The following MAPKAP1 variants were observed in gnomAD, a reference collection of about 807,000 sequenced individuals.
The protein encoded by MAPKAP1 is MAPK associated protein 1, also known as target of rapamycin complex 2 subunit MAPKAP1.
MAPKAP1 carries 20 observed loss-of-function variants against 65.7 expected under a neutral mutation model. The observed-to-expected ratio is 0.30, with a 90% CI of 0.21 to 0.44. The LOEUF (loss-of-function observed/expected upper bound fraction) is 0.44. Ranked by LOEUF, MAPKAP1 falls within the 20% of genes least tolerant of loss-of-function variation. The pLI is 1.00. For missense variants in MAPKAP1, 423 were observed against 648.0 expected (o/e 0.65, Z 3.77); for synonymous variants, 222 against 244.3 (o/e 0.91, Z 0.85).
rs778030734 is a variant in MAPKAP1 at position 125,484,458 on chromosome 9, T to C, written c.1192A>G (p.Thr398Ala). The C allele has an allele frequency of 8.7e-6, 14 of 1,611,230 alleles. No homozygotes were observed. The highest frequency in any genetic ancestry group is 4.0e-5 in the African/African-American group (3 of 74,890). Residue 398 changes from threonine to alanine, a missense_variant, in exon 9 of 12, where the codon ACC becomes GCC. Physicochemically the swap from Thr to Ala is moderately conservative, Grantham distance 58 (BLOSUM62 0). Transcript: ENST00000265960. The part of the protein sequence containing the change: ...VSMIHRLRFT[T>A]DVQLGISGDK... ...ACACACTTACCTAGCTGTACGTCGG[T>C]TGTGAATCGCAGTCTGTGGATCATG...
At chr9:125,678,626 A>G (rs1177087148) in intron 1 of MAPKAP1, among the ~76,000 whole-genome samples, 3 of 152,222 alleles carry the variant, frequency 2.0e-5, no homozygotes, top group Non-Finnish European at 4.4e-5. Context: ...GTTTCTACTA[A>G]GTGCTAAGAG....
chr9:125,463,026 A>G (rs1853554605), intron 10 of MAPKAP1, among the ~76,000 whole-genome samples: 2 of 152,208 alleles, frequency 1.3e-5, no homozygotes, highest in African/African-American at 4.8e-5. Flanking sequence ...TTCAGCTCTA[A>G]TATCTCCTCG....
intron 10 of MAPKAP1, among the ~76,000 whole-genome samples, chr9:125,460,840 CCAGAGG>C (rs1381190329): frequency 6.6e-6 from 1 of 152,192 alleles, no homozygotes; most frequent in African/African-American, 2.4e-5. Flanking sequence ...ATTCCAAATT[CCAGAGG>C]CACTTTTAAA....
chr9:125,622,273 T>C (rs748967564), intron 4 of MAPKAP1, among the ~76,000 whole-genome samples: 1 of 152,132 alleles, frequency 6.6e-6, no homozygotes, highest in Non-Finnish European at 1.5e-5. Flanking sequence ...CATTGTTACA[T>C]TGTTGCATAT....
chr9:125,693,528 C>T (rs1296360218), intron 1 of MAPKAP1, among the ~76,000 whole-genome samples: 2 of 100,370 alleles, frequency 2.0e-5, no homozygotes, highest in Non-Finnish European at 3.7e-5. Flanking sequence ...CATATATACA[C>T]ATATACACAC....
In MAPKAP1 at chr9:125,632,225, G is replaced by GAAAA. The variant is rs57409863; in HGVS notation, c.498+25422_498+25425dup. Among the ~76,000 whole-genome samples, 14 of 143,394 alleles carry GAAAA rather than the reference G, an allele frequency of 9.8e-5. 2 individuals carry two copies. Among genetic ancestry groups the GAAAA allele is most frequent in the African/African-American group, 1.3e-4 (5 of 37,574 alleles). 94.1% of individuals were successfully genotyped at this position (143,394 alleles called of 152,430 possible). ...TGACAGAGCAAGACTCCGTCTCAAA[G>GAAAA]AAAAAAAAAAAAGAAGAAACTCACC... is the stretch of plus-strand genomic sequence containing the variant. On this transcript the variant is annotated intron_variant, in intron 4 of 11. Transcript: ENST00000265960.
intron 8 of MAPKAP1, among the ~76,000 whole-genome samples, chr9:125,491,382 A>G (rs1854719041): frequency 6.6e-6 from 1 of 151,510 alleles, no homozygotes; most frequent in Admixed American, 6.6e-5. Context: ...TTGAGGCTAC[A>G]GTGAGCTGTG....
At chr9:125,610,171 T>C (rs903650122) in intron 4 of MAPKAP1, among the ~76,000 whole-genome samples, 2 of 151,910 alleles carry the variant, frequency 1.3e-5, no homozygotes, top group East Asian at 3.8e-4. Flanking sequence ...CCATGATATG[T>C]GTAAACACAA....
chr9:125,607,369 C>G (rs1000496883), intron 4 of MAPKAP1, among the ~76,000 whole-genome samples: 6 of 152,226 alleles, frequency 3.9e-5, no homozygotes, highest in African/African-American at 1.2e-4. Flanking sequence ...TCCAACACTA[C>G]AGCAGCTAAT....
At chr9:125,505,145 T>C (rs2133081310) in intron 8 of MAPKAP1, among the ~76,000 whole-genome samples, 1 of 152,168 alleles carries the variant, frequency 6.6e-6, no homozygotes, top group East Asian at 1.9e-4. Flanking sequence ...ACCAAGAGTT[T>C]GAACCGCCGG....
intron 10 of MAPKAP1, among the ~76,000 whole-genome samples, chr9:125,449,180 G>T (rs1254589907): frequency 6.6e-6 from 1 of 152,124 alleles, no homozygotes; most frequent in Non-Finnish European, 1.5e-5. Context: ...CATAATTCCT[G>T]AAGTTAGAAT....
chr9:125,441,849 C>T lies in MAPKAP1; in HGVS notation c.1443+2652G>A, dbSNP rs552466646. Among the ~76,000 whole-genome samples, 16 of 152,158 alleles carry T rather than the reference C, an allele frequency of 1.1e-4. 1 individual carries two copies. The highest frequency in any genetic ancestry group is 6.2e-4 in the South Asian group (3 of 4,812). On this transcript the variant is annotated intron_variant, in intron 11 of 11. Transcript: ENST00000265960. ...TTGCTATAAAAATCAGAGATGGGGC[C>T]GGGCCTGGCGGCTCATGTCTTTAAT...
intron 8 of MAPKAP1, among the ~76,000 whole-genome samples, chr9:125,501,656 G>A (rs1371563136): frequency 6.6e-6 from 1 of 152,086 alleles, no homozygotes; most frequent in Non-Finnish European, 1.5e-5. Context: ...TTCTTTGTAG[G>A]AAGGTTCCTA....
intron 10 of MAPKAP1, among the ~76,000 whole-genome samples, chr9:125,464,616 C>A (rs998044865): frequency 1.3e-5 from 2 of 152,184 alleles, no homozygotes; most frequent in Non-Finnish European, 2.9e-5. Context: ...TCCTTAAACA[C>A]TCACAGGGAC....
rs181011194 is a variant in MAPKAP1 at position 125,456,821 on chromosome 9, G to A, written c.1345+11151C>T. Among the ~76,000 whole-genome samples, 518 of 152,208 alleles carry A rather than the reference G, an allele frequency of 3.4e-3. 9 individuals are homozygous for A. Among genetic ancestry groups the A allele is most frequent in the Non-Finnish European group, 9.3e-4 (63 of 68,026 alleles). Reference sequence around the variant, plus strand: ...ATTGCAGCCTTTTGAGAGACCCCAAGCCAGAGGACTCAGTTAAGCTGTGGG... The same window carrying A: ...ATTGCAGCCTTTTGAGAGACCCCAAACCAGAGGACTCAGTTAAGCTGTGGG... On this transcript the variant is annotated intron_variant, in intron 10 of 11. Coordinates refer to ENST00000265960, the MANE Select transcript of MAPKAP1 (RefSeq NM_001006617.3).
chr9:125,594,302 C>A (rs993867962), intron 4 of MAPKAP1, among the ~76,000 whole-genome samples: 15 of 152,236 alleles, frequency 9.9e-5, no homozygotes, highest in African/African-American at 3.6e-4. Flanking sequence ...CATTCCAACT[C>A]CTTAGGTGGC....
chr9:125,554,767 G>T (rs1830686880), intron 6 of MAPKAP1, among the ~76,000 whole-genome samples: 1 of 116,116 alleles, frequency 8.6e-6, no homozygotes. Flanking sequence ...CTGCACTCCA[G>T]ACTAGGCCAC....
At chr9:125,593,234 G>A (rs1311877242) in intron 4 of MAPKAP1, among the ~76,000 whole-genome samples, 3 of 152,166 alleles carry the variant, frequency 2.0e-5, no homozygotes, top group Non-Finnish European at 4.4e-5. Context: ...AACCCAGAAG[G>A]AAGATGTTGC....
chr9:125,700,584 T>G (rs1165789718), intron 1 of MAPKAP1, among the ~76,000 whole-genome samples: 1 of 152,248 alleles, frequency 6.6e-6, no homozygotes, highest in African/African-American at 2.4e-5. Context: ...TTTCTCACTT[T>G]CAATTACATA....
Sources: gnomAD v4.1 joint callset for allele counts (sites outside exome capture counted in the v4.1 genomes callset) on GRCh38, gnomAD v4.1.1 for gene constraint, MANE v1.5 for transcripts, NCBI Gene and HGNC (gene_info 2026-07-23, HGNC 2026-07-21) for gene names.